Variants in RBFOX1 observed in about 807,000 individuals in gnomAD.
The protein encoded by RBFOX1 is RNA binding protein fox-1 homolog 1.
Under a neutral mutation model 57.7 loss-of-function variants are expected in RBFOX1, and 8 were observed. That is an observed-to-expected ratio of 0.14 (90% confidence interval 0.08 to 0.25). RBFOX1 has a LOEUF of 0.25. Ranked by LOEUF, RBFOX1 falls within the 10% of genes least tolerant of loss-of-function variation. RBFOX1 has a pLI of 1.00. For missense variants in RBFOX1, 611 were observed against 548.5 expected (o/e 1.11, Z -1.14); for synonymous variants, 326 against 222.4 (o/e 1.47, Z -4.15).
At chr16:6,676,357 T>C (rs1489517100) in intron 3 of RBFOX1, among the ~76,000 whole-genome samples, 2 of 152,046 alleles carry the variant, frequency 1.3e-5, no homozygotes, top group African/African-American at 4.8e-5. Context: ...ATGAGCTGTT[T>C]CGTTTTTACA....
At chr16:6,751,876 GA>G (rs1260643578) in intron 3 of RBFOX1, among the ~76,000 whole-genome samples, 2 of 152,160 alleles carry the variant, frequency 1.3e-5, no homozygotes, top group African/African-American at 4.8e-5. Flanking sequence ...ATTTTAGATG[GA>G]GATGCGCTGC....
intron 1 of RBFOX1, among the ~76,000 whole-genome samples, chr16:6,126,254 C>T (rs191962903): frequency 3.9e-5 from 6 of 152,286 alleles, no homozygotes; most frequent in Admixed American, 3.9e-4. Context: ...GTCAAGAGCG[C>T]CAGCGCATCG....
At chr16:5,290,699 GA>G (rs2063512449) in intron 1 of RBFOX1, among the ~76,000 whole-genome samples, 1 of 104,270 alleles carries the variant, frequency 9.6e-6, no homozygotes, top group Admixed American at 8.7e-5. Flanking sequence ...AGATTTAAGG[GA>G]CTTTTTTTTT....
At chr16:5,371,098 C>G (rs2065846739) in intron 1 of RBFOX1, among the ~76,000 whole-genome samples, 1 of 152,168 alleles carries the variant, frequency 6.6e-6, no homozygotes, top group South Asian at 2.1e-4. Flanking sequence ...CAGGTGTGCG[C>G]CATCACGCCC....
chr16:6,900,860 C>T (rs553401214), intron 3 of RBFOX1, among the ~76,000 whole-genome samples: 14 of 152,300 alleles, frequency 9.2e-5, no homozygotes, highest in African/African-American at 2.9e-4. Flanking sequence ...GTGTGAGCTC[C>T]ATGAATGCAG....
At position 6,726,919 on chromosome 16, in the gene RBFOX1, A is replaced by G. The variant is rs368683708; in HGVS notation, c.-16+72269A>G. Among the ~76,000 whole-genome samples the G allele has an allele frequency of 6.6e-5, 10 of 152,158 alleles. No individual in the cohort carries two copies. In the East Asian group the frequency reaches 1.4e-3, roughly 21 times the overall value. ...ATGGCTGAGGAGGGAAATAAAGGACACTTTCAGGACACAATTAACACTTTC... is the reference window on the plus strand; with the variant it reads ...ATGGCTGAGGAGGGAAATAAAGGACGCTTTCAGGACACAATTAACACTTTC... On this transcript the variant is annotated intron_variant, in intron 3 of 15. Coordinates refer to ENST00000550418, the MANE Select transcript of RBFOX1 (RefSeq NM_018723.4).
chr16:5,675,967 T>A (rs985258694), intron 3 of RBFOX1, among the ~76,000 whole-genome samples: 3 of 151,966 alleles, frequency 2.0e-5, no homozygotes, highest in African/African-American at 7.3e-5. Context: ...TATAATTAGG[T>A]TATTAGAGGG....
chr16:6,959,868 C>A (rs910298838), intron 3 of RBFOX1, among the ~76,000 whole-genome samples: 5 of 152,052 alleles, frequency 3.3e-5, no homozygotes, highest in African/African-American at 1.2e-4. Context: ...ACCTAGGAGG[C>A]GGACATGTAG....
intron 2 of RBFOX1, among the ~76,000 whole-genome samples, chr16:5,545,083 T>C (rs2045134715): frequency 6.6e-6 from 1 of 150,824 alleles, no homozygotes; most frequent in East Asian, 1.9e-4. Context: ...TTCAAGTGAT[T>C]CTTCTGCCTC....
intron 3 of RBFOX1, among the ~76,000 whole-genome samples, chr16:6,857,602 A>G (rs2058143427): frequency 6.6e-6 from 1 of 152,206 alleles, no homozygotes; most frequent in Non-Finnish European, 1.5e-5. Flanking sequence ...CTCTTTGCCA[A>G]GAACATTATG....
chr16:7,434,256 C>G (rs531064266), intron 4 of RBFOX1, among the ~76,000 whole-genome samples: 2 of 152,104 alleles, frequency 1.3e-5, no homozygotes, highest in African/African-American at 4.8e-5. Context: ...CAGATCACGA[C>G]TTCAGAAGAT....
intron 1 of RBFOX1, among the ~76,000 whole-genome samples, chr16:5,434,178 G>A (rs537638346): frequency 6.6e-6 from 1 of 152,130 alleles, no homozygotes; most frequent in Non-Finnish European, 1.5e-5. Context: ...TGTTGTAAGA[G>A]TAAAACATTC....
At chr16:5,717,250 A>G (rs1229278779) in intron 3 of RBFOX1, among the ~76,000 whole-genome samples, 1 of 152,164 alleles carries the variant, frequency 6.6e-6, no homozygotes, top group Non-Finnish European at 1.5e-5. Flanking sequence ...TGTGTGATAC[A>G]GCCTCGTTGT....
intron 2 of RBFOX1, among the ~76,000 whole-genome samples, chr16:6,488,414 G>A (rs998168783): frequency 1.1e-4 from 16 of 152,158 alleles, no homozygotes; most frequent in East Asian, 1.9e-4. Context: ...ATACAATGCC[G>A]ATTTCTTCCC....
chr16:5,948,604 A>G (rs2059452678), intron 4 of RBFOX1, among the ~76,000 whole-genome samples: 1 of 152,232 alleles, frequency 6.6e-6, no homozygotes, highest in Non-Finnish European at 1.5e-5. Flanking sequence ...AGGCCGTGCG[A>G]TGGCAGAGGC....
intron 2 of RBFOX1, among the ~76,000 whole-genome samples, chr16:6,356,553 G>A (rs1217579307): frequency 6.6e-6 from 1 of 152,114 alleles, no homozygotes; most frequent in East Asian, 1.9e-4. Flanking sequence ...ATTCAAAATT[G>A]GGGGACATTC....
rs527487742 is a variant in RBFOX1, at chr16:5,845,588, A to G, written c.319-21715A>G. Among the ~76,000 whole-genome samples the G allele has an allele frequency of 3.9e-5, 6 of 152,286 alleles. No individual in the cohort carries two copies. The South Asian group carries it at 1.2e-3, about 32-fold the overall frequency. On this transcript the variant is annotated intron_variant, in intron 3 of 19. Transcript: ENST00000641259. Reference sequence around the variant, plus strand: ...CGGGGCAGGTGGCCGAGCTTCTTCAAATTTCACTGTGCTTTTCTTTGTTAT... The same window carrying G: ...CGGGGCAGGTGGCCGAGCTTCTTCAGATTTCACTGTGCTTTTCTTTGTTAT...
intron 1 of RBFOX1, among the ~76,000 whole-genome samples, chr16:6,188,405 A>G (rs1309167152): frequency 9.0e-6 from 1 of 111,138 alleles, no homozygotes; most frequent in African/African-American, 3.5e-5. Flanking sequence ...GCTGTTATTG[A>G]TTTTGTTTTA....
chr16:7,701,252 TA>T (rs2080601879), intron 14 of RBFOX1, among the ~76,000 whole-genome samples: 1 of 152,196 alleles, frequency 6.6e-6, no homozygotes, highest in African/African-American at 2.4e-5. Flanking sequence ...GCTGCATTTT[TA>T]GTCATTTTGT....
Sources: allele counts gnomAD v4.1 joint callset (sites outside exome capture counted in the v4.1 genomes callset), GRCh38; gene constraint gnomAD v4.1.1; transcripts MANE v1.5; gene names NCBI Gene and HGNC (gene_info 2026-07-23, HGNC 2026-07-21).